The following ZNF782 variants were observed in gnomAD, a reference collection of about 807,000 sequenced individuals.
The protein encoded by ZNF782 is zinc finger protein 782.
ZNF782 carries 12 observed loss-of-function variants against 13.0 expected under a neutral mutation model. The ratio of observed to expected loss-of-function variants is 0.92; its 90% CI spans 0.59 to 1.50. ZNF782 has a LOEUF of 1.50. Among genes scored for constraint, ZNF782 ranks in the 40% most tolerant of loss-of-function variants. The pLI is 0.00. For missense variants in ZNF782, 770 were observed against 822.9 expected, an observed-to-expected ratio of 0.94 and a Z score of 0.79; for synonymous variants, 284 against 283.0, an observed-to-expected ratio of 1.00 and a Z score of -0.04.
chr9:96,901,199 G>C, the ZNF782 span, among the ~76,000 whole-genome samples: 1 of 150,720 alleles, frequency 6.6e-6, no homozygotes, highest in South Asian at 2.1e-4. Flanking sequence ...TTACAGTTTT[G>C]ACAGTAAATA....
chr9:96,895,469 C>T, the ZNF782 span: 1 of 152,208 alleles, frequency 6.6e-6, no homozygotes, highest in South Asian at 2.1e-4. Context: ...GGCCAGTTTG[C>T]AGACCCATAT....
chr9:96,819,002 G>C lies in ZNF782; in HGVS notation c.1021C>G (p.His341Asp), dbSNP rs753098401. 1.9e-6 allele frequency: 3 copies of C among 1,614,166 alleles called. No homozygotes were observed. In the Admixed American group the frequency reaches 5.0e-5, roughly 27 times the overall value. The change falls in exon 6 of 6, where the codon CAC (histidine) becomes GAC (aspartate). Residue 341 changes from histidine (H) to aspartate (D), a missense_variant. Transcript: ENST00000481138. ...THATDKYSDY[H>D]PCTETFSYQS... is the part of the protein sequence containing the mutation. ...TAGCTGAATGTCTCTGTACATGGGTGATAATCAGAGTATTTATCTGTTGCA... is the reference window on the plus strand; with the variant it reads ...TAGCTGAATGTCTCTGTACATGGGTCATAATCAGAGTATTTATCTGTTGCA...
intron 5 of ZNF782, among the ~76,000 whole-genome samples, chr9:96,822,484 G>A (rs1027454539): frequency 5.9e-5 from 9 of 152,132 alleles, no homozygotes; most frequent in African/African-American, 2.2e-4. Flanking sequence ...ATACACTAAA[G>A]TATTTCAAAC....
intron 4 of ZNF782, among the ~76,000 whole-genome samples, chr9:96,843,535 G>A (rs961556541): frequency 1.8e-4 from 27 of 152,186 alleles, no homozygotes; most frequent in African/African-American, 6.0e-4. Flanking sequence ...GACAGCATGG[G>A]TGTGACTATG....
chr9:96,871,230 A>G (rs752913423), intron 1 of ZNF782, among the ~76,000 whole-genome samples: 24 of 152,182 alleles, frequency 1.6e-4, no homozygotes, highest in Non-Finnish European at 2.8e-4. Flanking sequence ...TGAAGCATAC[A>G]TATGCAGGCT....
At chr9:96,902,941 T>G in the ZNF782 span, 2 of 151,336 alleles carry the variant, frequency 1.3e-5, no homozygotes, top group African/African-American at 4.9e-5. Context: ...TAGCTGCGAT[T>G]ACAAGCATGC....
chr9:96,903,993 G>A, the ZNF782 span, among the ~76,000 whole-genome samples: 1 of 151,812 alleles, frequency 6.6e-6, no homozygotes, highest in Non-Finnish European at 1.5e-5. Context: ...ATTCCCACCA[G>A]AAATGTGTGC....
chr9:96,818,283 A>T lies in ZNF782; in HGVS notation c.1740T>A (p.His580Gln), dbSNP rs1251525296. 1 of 1,613,800 alleles carries T rather than the reference A, an allele frequency of 6.2e-7. No individual in the cohort carries two copies. The highest frequency in any genetic ancestry group is 8.5e-7 in the Non-Finnish European group (1 of 1,179,984). ...AFSQKSNLRV[H>Q]HRTHTGEKPY... ...GTTTCTCCCCAGTATGAGTTCTGTGATGTACTCTGAGGTTTGATTTCTGAC... is the reference window on the plus strand; with the variant it reads ...GTTTCTCCCCAGTATGAGTTCTGTGTTGTACTCTGAGGTTTGATTTCTGAC... Residue 580 changes from histidine to glutamine, a missense_variant, in exon 6 of 6, where the codon CAT (histidine) becomes CAA (glutamine). His to Gln is a conservative substitution (Grantham distance 24). Transcript: ENST00000481138.
chr9:96,904,657 T>C, the ZNF782 span, among the ~76,000 whole-genome samples: 1 of 109,500 alleles, frequency 9.1e-6, no homozygotes, highest in Admixed American at 8.4e-5. Context: ...ATTTTTATTC[T>C]CTTCACAGTG....
chr9:96,828,408 A>T (rs542660762), intron 4 of ZNF782, among the ~76,000 whole-genome samples: 3 of 152,370 alleles, frequency 2.0e-5, no homozygotes, highest in African/African-American at 7.2e-5. Flanking sequence ...AAAGAATACA[A>T]CAAAATCTAG....
chr9:96,873,442 G>C (rs768355898), intron 1 of ZNF782, among the ~76,000 whole-genome samples: 3 of 152,198 alleles, frequency 2.0e-5, no homozygotes, highest in Non-Finnish European at 4.4e-5. Context: ...GCTCATGCCT[G>C]TAATGCCAGC....
At chr9:96,882,909 C>A in the ZNF782 span, among the ~76,000 whole-genome samples, 3 of 150,550 alleles carry the variant, frequency 2.0e-5, no homozygotes. Flanking sequence ...TGACTTAAAA[C>A]GAGAATTCTC....
chr9:96,910,110 T>C, the ZNF782 span: 1 of 667,670 alleles, frequency 1.5e-6, no homozygotes, highest in African/African-American at 1.8e-5. Flanking sequence ...AGCTCTGAAA[T>C]CATTGCCAAG....
At chr9:96,895,640 T>C in the ZNF782 span, 3 of 152,204 alleles carry the variant, frequency 2.0e-5, no homozygotes, top group African/African-American at 7.2e-5. Context: ...TTACTGGACA[T>C]TGGTTCTGAA....
intron 1 of ZNF782, among the ~76,000 whole-genome samples, chr9:96,867,152 G>A (rs1281681717): frequency 6.6e-6 from 1 of 152,176 alleles, no homozygotes; most frequent in African/African-American, 2.4e-5. Flanking sequence ...GACCAGGACA[G>A]AATGATATGG....
At chr9:96,844,767 A>T in intron 4 of ZNF782, 123 bp downstream of exon 4, 1 of 1,342,184 alleles carries the variant, frequency 7.5e-7, no homozygotes, top group Non-Finnish European at 1.0e-6. Flanking sequence ...AAAGTGACTA[A>T]TATAAAAAAG....
In ZNF782 at chr9:96,819,392, G is replaced by C. The variant is rs141335459; in HGVS notation, c.631C>G (p.Leu211Val). ...EVIQHQTIQT[L>V]GQDFEYNESR... ...TCATTATATTCAAAATCTTGCCCCAGAGTCTGAATTGTCTGATGTTGAATA... is the reference window on the plus strand; with the variant it reads ...TCATTATATTCAAAATCTTGCCCCACAGTCTGAATTGTCTGATGTTGAATA... Residue 211 changes from leucine (L) to valine (V), a missense_variant, in exon 6 of 6, where the codon CTG (leucine) becomes GTG (valine). By Grantham distance (32) the Leu-to-Val change is conservative (BLOSUM62 1). Coordinates refer to ENST00000481138, the MANE Select transcript of ZNF782 (RefSeq NM_001001662.3). The C allele has an allele frequency of 5.0e-6, 8 of 1,605,406 alleles. No homozygotes were observed. The highest frequency in any genetic ancestry group is 6.8e-6 in the Non-Finnish European group (8 of 1,177,118).
At chr9:96,916,514 C>T in the ZNF782 span, among the ~76,000 whole-genome samples, 27 of 151,880 alleles carry the variant, frequency 1.8e-4, no homozygotes, top group East Asian at 2.7e-3. Context: ...GAAGTTCTTT[C>T]TGATATCCGG....
the ZNF782 span, among the ~76,000 whole-genome samples, chr9:96,917,457 A>C: frequency 2.0e-4 from 30 of 151,766 alleles, 1 homozygote; most frequent in Admixed American, 1.4e-3. Flanking sequence ...TTTGAGACAG[A>C]GTCTAGCTCT....
Sources: allele counts gnomAD v4.1 joint callset (sites outside exome capture counted in the v4.1 genomes callset), GRCh38; gene constraint gnomAD v4.1.1; transcripts MANE v1.5; gene names NCBI Gene and HGNC (gene_info 2026-07-23, HGNC 2026-07-21).